The following NEB variants were observed in gnomAD, a reference collection of about 807,000 sequenced individuals.
NEB encodes nebulin, also known as nemaline myopathy type 2.
A neutral mutation model predicts 952.2 loss-of-function variants in NEB; 512 were observed. The ratio of observed to expected loss-of-function variants is 0.54; its 90% CI spans 0.50 to 0.58. The LOEUF is 0.58. NEB is among the 20% of genes least tolerant of loss of function. NEB has a pLI of 0.00. For missense variants in NEB, 8,428 were observed against 9,231.1 expected (o/e 0.91, Z 3.56); for synonymous variants, 2,900 against 3,149.8 (o/e 0.92, Z 2.66).
At chr2:151,594,516 A>C (rs1448385606) in intron 92 of NEB, among the ~76,000 whole-genome samples, 198 bp from the exon 93 acceptor site, 1 of 151,182 alleles carries the variant, frequency 6.6e-6, no homozygotes, top group African/African-American at 2.4e-5. Flanking sequence ...GACATGAGTA[A>C]ATCAGGAGGG....
At chr2:151,697,712 T>A in intron 13 of NEB, 64 bp from the exon 14 acceptor site, 1 of 1,013,256 alleles carries the variant, frequency 9.9e-7, no homozygotes, top group Non-Finnish European at 1.5e-6. Flanking sequence ...TTATAACACT[T>A]ACATTTTCTA....
At chr2:151,622,686 G>C (rs1183529349) in intron 71 of NEB, among the ~76,000 whole-genome samples, 1 of 151,978 alleles carries the variant, frequency 6.6e-6, no homozygotes, top group Non-Finnish European at 1.5e-5. Flanking sequence ...TATCTCCTAA[G>C]AATAAAGATA....
At chr2:151,570,881 A>C (rs984537946) in intron 107 of NEB, among the ~76,000 whole-genome samples, 1 of 152,164 alleles carries the variant, frequency 6.6e-6, no homozygotes, top group Non-Finnish European at 1.5e-5. Flanking sequence ...AGGTATATAC[A>C]TATTTATAGG....
intron 181 of NEB, among the ~76,000 whole-genome samples, chr2:151,487,254 CCA>C (rs2051485483): frequency 6.6e-6 from 1 of 152,150 alleles, no homozygotes; most frequent in South Asian, 2.1e-4. Context: ...AAGCTATCCT[CCA>C]CAGTGTTAAA....
intron 105 of NEB, among the ~76,000 whole-genome samples, chr2:151,576,697 A>G (rs1203673971): frequency 6.6e-6 from 1 of 150,490 alleles, no homozygotes; most frequent in Non-Finnish European, 1.5e-5. Flanking sequence ...ATGCCTGTCT[A>G]ATTTTTGTAT....
intron 30 of NEB, 92 bp downstream of exon 30, chr2:151,680,638 G>T: frequency 1.1e-6 from 1 of 947,560 alleles, no homozygotes; most frequent in Non-Finnish European, 1.6e-6. Context: ...TCTTCATATT[G>T]TATAATAACT....
chr2:151,496,906 C>CAGTA (rs1195836880), intron 172 of NEB, 35 bp downstream of exon 172: 40 of 1,502,550 alleles, frequency 2.7e-5, no homozygotes, highest in Non-Finnish European at 2.7e-5. Flanking sequence ...TTTTTAAAAT[C>CAGTA]AGTAAGTAGT....
chr2:151,648,652 G>C (rs2098993234), intron 54 of NEB, among the ~76,000 whole-genome samples: 1 of 152,152 alleles, frequency 6.6e-6, no homozygotes, highest in Non-Finnish European at 1.5e-5. Flanking sequence ...GGGGTGCTTA[G>C]CAGCATCCCT....
chr2:151,502,733 G>A (rs2065659629), intron 167 of NEB, 60 bp downstream of exon 167: 1 of 879,988 alleles, frequency 1.1e-6, no homozygotes, highest in African/African-American at 1.7e-5. Flanking sequence ...ACATTTGTAA[G>A]GTGTTATTAT....
At chr2:151,591,899 T>G in intron 95 of NEB, 135 bp downstream of exon 95, 2 of 1,369,308 alleles carry the variant, frequency 1.5e-6, no homozygotes. Context: ...CACAGCTACT[T>G]ATCATTAACT....
At chr2:151,709,574 A>C in intron 12 of NEB, 82 bp downstream of exon 12, 1 of 1,069,130 alleles carries the variant, frequency 9.4e-7, no homozygotes, top group Non-Finnish European at 1.4e-6. Flanking sequence ...CCCCTTTTTT[A>C]CTAATTATAT....
In NEB at chr2:151,562,096, G is replaced by C; in HGVS notation, c.18996+14C>G. ...GACCCATGGAGAACCAGTCCTTCTA[G>C]GAAGGTGGCTCACCTGACTCTGAAG... On this transcript the variant is annotated intron_variant, in intron 121 of 181. Coordinates refer to ENST00000397345, the MANE Select transcript of NEB (RefSeq NM_001164508.2). 6.2e-7 allele frequency: 1 copy of C among 1,602,788 alleles called. No individual in the cohort carries two copies. Among genetic ancestry groups the C allele is most frequent in the Non-Finnish European group, 8.5e-7 (1 of 1,169,966 alleles).
At chr2:151,576,019 A>C in intron 106 of NEB, 132 bp downstream of exon 106, 1 of 771,294 alleles carries the variant, frequency 1.3e-6, no homozygotes, top group Non-Finnish European at 2.0e-6. Flanking sequence ...GCAAACCAAG[A>C]CAATACTGTA....
chr2:151,534,206 T>C, intron 142 of NEB: 1 of 1,610,466 alleles, frequency 6.2e-7, no homozygotes, highest in Non-Finnish European at 8.5e-7. Context: ...GCCAGCCCCA[T>C]CACAGTACCT....
At position 151,616,311 on chromosome 2, in the gene NEB, T is replaced by C. The variant is rs142281352; in HGVS notation, c.11182-202A>G. Among the ~76,000 whole-genome samples the C allele has an allele frequency of 2.8e-4, 42 of 152,180 alleles. No homozygotes were observed. The East Asian group carries it at 7.3e-3, about 27-fold the overall frequency. ...CAAACATTGGGATTTTACTGACTTG[T>C]AAATTTCAACAAAAAAATGTGGGGA... On this transcript the variant is annotated intron_variant, in intron 75 of 181. Coordinates refer to ENST00000397345, the MANE Select transcript of NEB (RefSeq NM_001164508.2).
Position 151,519,697 on chromosome 2 carries a change from G to A in NEB, c.22551C>T (p.Leu7517=), listed in dbSNP as rs2080607663. The stretch of plus-strand genomic sequence containing the variant: ...TATTAGCATCTTTCATGACTTTGTA[G>A]AGCTGGCTGTCTTTTGGATTGTATT... ...TPKYNPKDSQ[L]YKVMKDANNL... is the part of the protein sequence containing the mutation. The change falls in exon 154 of 182, where the codon CTC becomes CTT. Residue 7517 remains leucine (L), a synonymous_variant. Transcript: ENST00000397345. The A allele has an allele frequency of 6.2e-7, 1 of 1,612,886 alleles. No individual in the cohort carries two copies. Among genetic ancestry groups the A allele is most frequent in the South Asian group, 1.1e-5 (1 of 91,016 alleles).
At chr2:151,487,747 C>T (rs1260332532) in intron 181 of NEB, among the ~76,000 whole-genome samples, 2 of 151,908 alleles carry the variant, frequency 1.3e-5, no homozygotes, top group Non-Finnish European at 2.9e-5. Context: ...TGTGTTTAAA[C>T]TTATTTTATA....
intron 158 of NEB, 96 bp from the exon 159 acceptor site, chr2:151,514,524 G>T (rs1205774035): frequency 1.0e-6 from 1 of 990,056 alleles, no homozygotes; most frequent in Non-Finnish European, 1.6e-6. Context: ...AATTTTTAAA[G>T]GGTTCACAGT....
chr2:151,568,231 G>T (rs2096495042), intron 112 of NEB, 53 bp from the exon 113 acceptor site: 1 of 1,585,762 alleles, frequency 6.3e-7, no homozygotes, highest in Non-Finnish European at 8.7e-7. Context: ...GAAGGGAGGG[G>T]TAAGTTGTGT....
Sources: allele counts gnomAD v4.1 joint callset (sites outside exome capture counted in the v4.1 genomes callset), GRCh38; gene constraint gnomAD v4.1.1; transcripts MANE v1.5; gene names NCBI Gene and HGNC (gene_info 2026-07-23, HGNC 2026-07-21).